The following USH1G variants were observed in gnomAD, a reference collection of about 807,000 sequenced individuals.
USH1G encodes the protein USH1 protein network component sans.
In USH1G, 27 loss-of-function variants were observed where a neutral mutation model predicts 31.9. That is an observed-to-expected ratio of 0.85 (90% CI 0.62 to 1.17). The LOEUF (loss-of-function observed/expected upper bound fraction) is 1.17. USH1G is among the 50% of genes most tolerant of loss of function. The pLI, the probability that USH1G is intolerant of heterozygous loss-of-function variation, is 0.00. For synonymous variants in USH1G, 266 were observed against 283.2 expected, an observed-to-expected ratio of 0.94 and a Z score of 0.61; for missense variants, 674 against 638.9, an observed-to-expected ratio of 1.05 and a Z score of -0.59.
Position 74,919,373 on chromosome 17 carries a change from T to G in USH1G, c.1382+81A>C. 22 of 1,198,208 alleles carry G rather than the reference T, an allele frequency of 1.8e-5. No individual in the cohort carries two copies. Among genetic ancestry groups the G allele is most frequent in the East Asian group, 2.8e-5 (1 of 35,582 alleles). 74.2% of individuals were successfully genotyped at this position (1,198,208 alleles called of 1,614,324 possible). A position where few individuals can be genotyped will look rare whatever the true frequency, so the allele number is the denominator to read the frequency against. On this transcript the variant is annotated intron_variant, in intron 2 of 2. Coordinates refer to ENST00000614341, the MANE Select transcript of USH1G (RefSeq NM_173477.5). The surrounding 1 kb of genome is among the most constrained non-coding windows in gnomAD (Gnocchi z 4.5). ...TACAGTATCCCCCACCCCCTACTCC[T>G]GAATAGGCAGATCTGTACCCCCTCC... is the stretch of plus-strand genomic sequence containing the variant.
At position 74,918,228 on chromosome 17, in the gene USH1G, C is replaced by T. The variant is rs540324636; in HGVS notation, c.1383-152G>A. On this transcript the variant is annotated intron_variant, in intron 2 of 2. Coordinates refer to ENST00000614341, the MANE Select transcript of USH1G (RefSeq NM_173477.5). The surrounding 1 kb of genome is among the most constrained non-coding windows in gnomAD (Gnocchi z 4.1). ...GGGGACGCCAGCCTATGGGTGACCT[C>T]CCCATCCCCAAAACTCTGAACCAGC... 9.0e-4 allele frequency: 940 copies of T among 1,046,614 alleles called. 15 individuals are homozygous for T. In the South Asian group the frequency reaches 0.012, roughly 14 times the overall value. 64.8% of individuals were successfully genotyped at this position (1,046,614 alleles called of 1,614,324 possible). A position where few individuals can be genotyped will look rare whatever the true frequency, so the allele number is the denominator to read the frequency against.
In USH1G at chr17:74,918,031, G is replaced by GT; in HGVS notation, c.*41_*42insA. 1 of 1,613,920 alleles carries GT rather than the reference G, an allele frequency of 6.2e-7. No homozygotes were observed. Among genetic ancestry groups the GT allele is most frequent in the South Asian group, 1.1e-5 (1 of 91,034 alleles). On this transcript the variant is annotated 3_prime_UTR_variant, in exon 3 of 3. Transcript: ENST00000614341. The surrounding 1 kb of genome is among the most constrained non-coding windows in gnomAD (Gnocchi z 4.1). ...CCTCGAGACCCCACCATAGGTTGTG[G>GT]CAACTTGCAATTCATTTTGGTCTGG...
chr17:74,919,610 C>G lies in USH1G; in HGVS notation c.1226G>C (p.Arg409Pro). ...LHMEDFAALLRQEKIDLEALM... is the reference protein window; with the variant it reads ...LHMEDFAALLPQEKIDLEALM... ...AGCCTCGAGGTCGATCTTCTCCTGC[C>G]GCAGGAGGGCGGCAAAGTCCTCCAT... Residue 409 changes from arginine (R) to proline (P), a missense_variant, in exon 2 of 3, where the codon CGG becomes CCG. Arg to Pro is a moderately radical substitution (Grantham distance 103). Transcript: ENST00000614341. This position sits in a 1 kb window ranked among gnomAD's most constrained non-coding sequence, Gnocchi z 4.5. 6.2e-7 allele frequency: 1 copy of G among 1,612,810 alleles called. No homozygotes were observed. Among genetic ancestry groups the G allele is most frequent in the South Asian group, 1.1e-5 (1 of 91,084 alleles).
At position 74,918,149 on chromosome 17, in the gene USH1G, G is replaced by C; in HGVS notation, c.1383-73C>G. ...AGAGGCATCATTTTCACCCAGGGCA[G>C]CCATCTGGACAACTTAGCCTCCCCA... On this transcript the variant is annotated intron_variant, in intron 2 of 2. Transcript: ENST00000614341. The surrounding 1 kb of genome is among the most constrained non-coding windows in gnomAD (Gnocchi z 4.1). 2 of 1,599,012 alleles carry C rather than the reference G, an allele frequency of 1.3e-6. No homozygotes were observed. Among genetic ancestry groups the C allele is most frequent in the East Asian group, 4.5e-5 (2 of 44,338 alleles).
chr17:74,918,079 G>T lies in USH1G; in HGVS notation c.1383-3C>A, dbSNP rs1223026125. 37 of 1,613,998 alleles carry T rather than the reference G, an allele frequency of 2.3e-5. No homozygotes were observed. Among genetic ancestry groups the T allele is most frequent in the Non-Finnish European group, 3.0e-5 (35 of 1,180,018 alleles). ...TGGGGAGAGGAGCCCCCGGTTATCT[G>T]TGGAGGAAGAGACAGAAAGAAACAG... is the stretch of plus-strand genomic sequence containing the variant. On this transcript the variant is annotated splice_region_variant and splice_polypyrimidine_tract_variant and intron_variant, in intron 2 of 2. Coordinates refer to ENST00000614341, the MANE Select transcript of USH1G (RefSeq NM_173477.5). The surrounding 1 kb of genome is among the most constrained non-coding windows in gnomAD (Gnocchi z 4.1).
rs2038906142 is a variant in USH1G, at chr17:74,919,524, T to C, written c.1312A>G (p.Lys438Glu). 6.2e-7 allele frequency: 1 copy of C among 1,611,808 alleles called. No individual in the cohort carries two copies. Among genetic ancestry groups the C allele is most frequent in the East Asian group, 2.2e-5 (1 of 44,842 alleles). ...SISVPLGPRK[K>E]ILGAVRRRRQ... The stretch of plus-strand genomic sequence containing the variant: ...CGCCTCCTCACGGCCCCCAAGATCT[T>C]CTTTCGGGGCCCCAGTGGGACGCTG... The change falls in exon 2 of 3, where the codon AAG becomes GAG. Residue 438 changes from lysine to glutamate, a missense_variant. By Grantham distance (56) the Lys-to-Glu change is moderately conservative. Coordinates refer to ENST00000614341, the MANE Select transcript of USH1G (RefSeq NM_173477.5). The surrounding 1 kb of genome is among the most constrained non-coding windows in gnomAD (Gnocchi z 4.5).
Position 74,920,952 on chromosome 17 carries a change from G to A in USH1G, c.165-281C>T, listed in dbSNP as rs1157099320. Among the ~76,000 whole-genome samples the A allele has an allele frequency of 6.6e-6, 1 of 152,190 alleles. No individual in the cohort carries two copies. Among genetic ancestry groups the A allele is most frequent in the Non-Finnish European group, 1.5e-5 (1 of 68,032 alleles). On this transcript the variant is annotated intron_variant, in intron 1 of 2. Transcript: ENST00000614341. This position sits in a 1 kb window ranked among gnomAD's most constrained non-coding sequence, Gnocchi z 5.2. Reference sequence around the variant, plus strand: ...CTTCCCCAAGCTAACTGAGGGCTGGGAATCTCAGGGGATGAATATTTGATG... The same window carrying A: ...CTTCCCCAAGCTAACTGAGGGCTGGAAATCTCAGGGGATGAATATTTGATG...
At position 74,916,254 on chromosome 17, in the gene USH1G, T is replaced by C. The variant is rs1043386378; in HGVS notation, c.*1819A>G. The C allele has an allele frequency of 6.6e-6, 1 of 152,172 alleles. No homozygotes were observed. The highest frequency in any genetic ancestry group is 1.5e-5 in the Non-Finnish European group (1 of 68,090). 9.4% of individuals were successfully genotyped at this position (152,172 alleles called of 1,614,324 possible). A position where few individuals can be genotyped will look rare whatever the true frequency, so the allele number is the denominator to read the frequency against. On this transcript the variant is annotated 3_prime_UTR_variant, in exon 3 of 3. Transcript: ENST00000614341. ...GGAGAGAAGGGGCAGCACCTGGGGC[T>C]CTGGGAGAAACAAGTCGGCACTTGG...
Position 74,923,054 on chromosome 17 carries a change from C to G in USH1G, c.20G>C (p.Arg7Pro), listed in dbSNP as rs1369719883. The change falls in exon 1 of 3, where the codon CGG becomes CCG. Residue 7 changes from arginine (R) to proline (P), a missense_variant. Coordinates refer to ENST00000614341, the MANE Select transcript of USH1G (RefSeq NM_173477.5). The surrounding 1 kb of genome is among the most constrained non-coding windows in gnomAD (Gnocchi z 5.3). ...CTCCAGGTAGCCATCCCGGGCTGCC[C>G]GGTGGTACTGGTCGTTCATGGCGCC... MNDQYH[R>P]AARDGYLELL... The G allele has an allele frequency of 6.3e-7, 1 of 1,587,296 alleles. No individual in the cohort carries two copies. The highest frequency in any genetic ancestry group is 8.6e-7 in the Non-Finnish European group (1 of 1,166,152).
In USH1G at chr17:74,919,369, C is replaced by G; in HGVS notation, c.1382+85G>C. ...GAAATACAGTATCCCCCACCCCCTA[C>G]TCCTGAATAGGCAGATCTGTACCCC... On this transcript the variant is annotated intron_variant, in intron 2 of 2. Coordinates refer to ENST00000614341, the MANE Select transcript of USH1G (RefSeq NM_173477.5). This position sits in a 1 kb window ranked among gnomAD's most constrained non-coding sequence, Gnocchi z 4.5. 1 of 1,475,280 alleles carries G rather than the reference C, an allele frequency of 6.8e-7. No homozygotes were observed. 91.4% of individuals were successfully genotyped at this position (1,475,280 alleles called of 1,614,324 possible).
rs755287596 is a variant in USH1G, at chr17:74,920,027, G to T, written c.809C>A (p.Ala270Asp). 11 of 1,611,390 alleles carry T rather than the reference G, an allele frequency of 6.8e-6. No homozygotes were observed. The highest frequency in any genetic ancestry group is 1.7e-5 in the Admixed American group (1 of 60,008). ...TYANPKEWGR[A>D]PLRDMFLSDE... ...CGAGAGGAACATGTCCCGGAGCGGGGCTCGGCCCCACTCCTTGGGATTGGC... is the reference window on the plus strand; with the variant it reads ...CGAGAGGAACATGTCCCGGAGCGGGTCTCGGCCCCACTCCTTGGGATTGGC... Residue 270 changes from alanine to aspartate, a missense_variant, in exon 2 of 3, where the codon GCC becomes GAC. Physicochemically the swap from Ala to Asp is moderately radical, Grantham distance 126 (BLOSUM62 -2). Transcript: ENST00000614341. This position sits in a 1 kb window ranked among gnomAD's most constrained non-coding sequence, Gnocchi z 5.2.
chr17:74,918,325 A>G lies in USH1G; in HGVS notation c.1383-249T>C, dbSNP rs1479319691. Among the ~76,000 whole-genome samples the G allele has an allele frequency of 3.9e-5, 6 of 152,148 alleles. No homozygotes were observed. Among genetic ancestry groups the G allele is most frequent in the Admixed American group, 2.6e-4 (4 of 15,276 alleles). On this transcript the variant is annotated intron_variant, in intron 2 of 2. Transcript: ENST00000614341. This position sits in a 1 kb window ranked among gnomAD's most constrained non-coding sequence, Gnocchi z 4.1. ...CATAGATACCTAAGAGGAAATGAGG[A>G]CAAAGTTTGTTGGGCCTGTGGGATG...
chr17:74,920,109 A>AGCGG lies in USH1G; in HGVS notation c.723_726dup (p.Ser243ProfsTer114), dbSNP rs777222355. 1 of 1,603,274 alleles carries AGCGG rather than the reference A, an allele frequency of 6.2e-7. No individual in the cohort carries two copies. The highest frequency in any genetic ancestry group is 2.2e-5 in the East Asian group (1 of 44,860). ...CTGCCCAGCTGCAGGCCCGAGAGCG[A>AGCGG]GCGGGCGCTCTTGCGCCCATCCTCG... On this transcript the variant is annotated frameshift_variant, in exon 2 of 3. Coordinates refer to ENST00000614341, the MANE Select transcript of USH1G (RefSeq NM_173477.5). LOFTEE classifies it high-confidence loss of function. The surrounding 1 kb of genome is among the most constrained non-coding windows in gnomAD (Gnocchi z 5.2).
rs116670727 is a variant in USH1G at position 74,916,975 on chromosome 17, A to T, written c.*1098T>A. ...AACACGCACGCGTTCACGTGCACACACACGCACACATGTATGCAAGAACAC... is the reference window on the plus strand; with the variant it reads ...AACACGCACGCGTTCACGTGCACACTCACGCACACATGTATGCAAGAACAC... On this transcript the variant is annotated 3_prime_UTR_variant, in exon 3 of 3. Transcript: ENST00000614341. 3.6e-3 allele frequency: 457 copies of T among 128,458 alleles called. 4 individuals are homozygous for T. The highest frequency in any genetic ancestry group is 0.013 in the African/African-American group (441 of 32,706). 8.0% of individuals were successfully genotyped at this position (128,458 alleles called of 1,614,324 possible). A position where few individuals can be genotyped will look rare whatever the true frequency, so the allele number is the denominator to read the frequency against.
rs979011938 is a variant in USH1G at position 74,921,238 on chromosome 17, G to C, written c.165-567C>G. 6.6e-6 allele frequency among the ~76,000 whole-genome samples: 1 copy of C among 152,054 alleles called. No homozygotes were observed. Among genetic ancestry groups the C allele is most frequent in the Non-Finnish European group, 1.5e-5 (1 of 67,964 alleles). On this transcript the variant is annotated intron_variant, in intron 1 of 2. Transcript: ENST00000614341. This position sits in a 1 kb window ranked among gnomAD's most constrained non-coding sequence, Gnocchi z 4.6. The stretch of plus-strand genomic sequence containing the variant: ...GAGCAGGGCCAGCCCTGGCAAGCCC[G>C]AGTGTGAGAGGAGGTGTCGGGCCTT...
chr17:74,922,544 C>A (rs754616406), intron 1 of USH1G, among the ~76,000 whole-genome samples: 6 of 152,080 alleles, frequency 3.9e-5, no homozygotes, highest in Non-Finnish European at 5.9e-5. Flanking sequence ...CCCTTTCTAG[C>A]CCCCACTGCT....
In USH1G at chr17:74,919,680, C is replaced by G; in HGVS notation, c.1156G>C (p.Glu386Gln). ...GTCTCCAGCGGGCTAGTCTCGGGCTCCAGGTCCTCGTCCAAGCCTAAATCG... is the reference window on the plus strand; with the variant it reads ...GTCTCCAGCGGGCTAGTCTCGGGCTGCAGGTCCTCGTCCAAGCCTAAATCG... ...ELDLGLDEDL[E>Q]PETSPLETFL... The change falls in exon 2 of 3, where the codon GAG becomes CAG. Residue 386 changes from glutamate to glutamine, a missense_variant. Physicochemically the swap from Glu to Gln is conservative, Grantham distance 29. Transcript: ENST00000614341. The surrounding 1 kb of genome is among the most constrained non-coding windows in gnomAD (Gnocchi z 4.5). The G allele has an allele frequency of 1.2e-6, 2 of 1,612,860 alleles. No individual in the cohort carries two copies. The highest frequency in any genetic ancestry group is 8.5e-7 in the Non-Finnish European group (1 of 1,180,022).
At position 74,918,582 on chromosome 17, in the gene USH1G, C is replaced by T. The variant is rs1374945649; in HGVS notation, c.1383-506G>A. Reference sequence around the variant, plus strand: ...CTGTAATCCCAGCACTTTGGGAGGCCAGAGTGGGCAGATCACTTGAGGTCA... The same window carrying T: ...CTGTAATCCCAGCACTTTGGGAGGCTAGAGTGGGCAGATCACTTGAGGTCA... On this transcript the variant is annotated intron_variant, in intron 2 of 2. Transcript: ENST00000614341. The surrounding 1 kb of genome is among the most constrained non-coding windows in gnomAD (Gnocchi z 4.1). 6.6e-6 allele frequency among the ~76,000 whole-genome samples: 1 copy of T among 152,130 alleles called. No individual in the cohort carries two copies. Among genetic ancestry groups the T allele is most frequent in the Non-Finnish European group, 1.5e-5 (1 of 68,034 alleles).
rs868106772 is a variant in USH1G at position 74,919,635 on chromosome 17, T to C, written c.1201A>G (p.Met401Val). The C allele has an allele frequency of 3.7e-6, 6 of 1,612,792 alleles. No individual in the cohort carries two copies. The Admixed American group carries it at 6.7e-5, about 18-fold the overall frequency. The change falls in exon 2 of 3, where the codon ATG becomes GTG. Residue 401 changes from methionine (M) to valine (V), a missense_variant. Met to Val is a conservative substitution (Grantham distance 21). Transcript: ENST00000614341. This position sits in a 1 kb window ranked among gnomAD's most constrained non-coding sequence, Gnocchi z 4.5. ...PLETFLASLH[M>V]EDFAALLRQE... ...CGCAGGAGGGCGGCAAAGTCCTCCA[T>C]GTGCAGAGAGGCCAGGAAGGTCTCC...
Sources: gnomAD v4.1 joint callset for allele counts (sites outside exome capture counted in the v4.1 genomes callset) on GRCh38, gnomAD v4.1.1 for gene constraint, Gnocchi (gnomAD v3.1) non-coding constraint, MANE v1.5 for transcripts, NCBI Gene and HGNC (gene_info 2026-07-23, HGNC 2026-07-21) for gene names.